Variants in NIBAN1 observed in about 807,000 individuals in gnomAD.
NIBAN1 encodes niban apoptosis regulator 1, also known as protein Niban 1.
Under a neutral mutation model 75.1 loss-of-function variants are expected in NIBAN1, and 81 were observed. The ratio of observed to expected loss-of-function variants is 1.08; its 90% CI spans 0.90 to 1.30. The LOEUF (loss-of-function observed/expected upper bound fraction) is 1.30, where lower values mean the gene tolerates loss of function less well. Ranked by LOEUF, NIBAN1 falls within the 50% of genes most tolerant of loss-of-function variation. NIBAN1 has a pLI of 0.00. For missense variants in NIBAN1, 1,133 were observed against 1,128.1 expected, an observed-to-expected ratio of 1.00 and a Z score of -0.06; for synonymous variants, 436 against 424.8, an observed-to-expected ratio of 1.03 and a Z score of -0.32.
At chr1:184,964,201 A>G (rs952731858) in intron 1 of NIBAN1, among the ~76,000 whole-genome samples, 2 of 152,196 alleles carry the variant, frequency 1.3e-5, no homozygotes, top group Non-Finnish European at 2.9e-5. Flanking sequence ...GAGGAGTGGA[A>G]GGGACAACGA....
At chr1:184,886,588 C>T (rs578133620) in intron 4 of NIBAN1, among the ~76,000 whole-genome samples, 4 of 152,300 alleles carry the variant, frequency 2.6e-5, no homozygotes, top group Admixed American at 6.5e-5. Context: ...CCTACCTAAA[C>T]TTTACTCCTT....
intron 1 of NIBAN1, among the ~76,000 whole-genome samples, chr1:184,938,324 G>T (rs1045031953): frequency 3.9e-5 from 6 of 152,134 alleles, no homozygotes; most frequent in Admixed American, 1.3e-4. Context: ...ACTATTTAGT[G>T]GGGGGTTGTT....
At chr1:184,838,443 G>A (rs16823603) in intron 5 of NIBAN1, among the ~76,000 whole-genome samples, 3,290 of 152,232 alleles carry the variant, frequency 0.022, 85 homozygotes, top group East Asian at 0.074. Flanking sequence ...AAGCATTTGG[G>A]GAGATAGAGG....
rs554330214 is a variant in NIBAN1 at position 184,959,465 on chromosome 1, C to T, written c.55+14837G>A. Among the ~76,000 whole-genome samples, 47 of 152,238 alleles carry T rather than the reference C, an allele frequency of 3.1e-4. 1 individual carries two copies. The highest frequency in any genetic ancestry group is 7.0e-4 in the African/African-American group (29 of 41,538). On this transcript the variant is annotated intron_variant, in intron 1 of 13. Coordinates refer to ENST00000367511, the MANE Select transcript of NIBAN1 (RefSeq NM_052966.4). ...CTTTACCATCTTTGTCTGCTAATTT[C>T]GCCATGTCTATAATTCCTGAGTCTA...
chr1:184,819,933 C>T (rs1010657519), intron 8 of NIBAN1, among the ~76,000 whole-genome samples: 6 of 152,120 alleles, frequency 3.9e-5, no homozygotes, highest in Admixed American at 6.5e-5. Context: ...TTTCAACTGG[C>T]GGAAATATTT....
intron 1 of NIBAN1, among the ~76,000 whole-genome samples, chr1:184,951,990 T>C (rs1461890772): frequency 6.6e-6 from 1 of 152,236 alleles, no homozygotes; most frequent in Non-Finnish European, 1.5e-5. Flanking sequence ...ACCTCTATGA[T>C]GTAAGTCCCA....
chr1:184,814,202 T>C (rs1304714906), intron 9 of NIBAN1, among the ~76,000 whole-genome samples: 2 of 152,212 alleles, frequency 1.3e-5, no homozygotes, highest in Admixed American at 6.5e-5. Flanking sequence ...AATGGCATTA[T>C]TGCTTTTTCC....
chr1:184,826,429 C>G (rs1371881764), intron 6 of NIBAN1, among the ~76,000 whole-genome samples: 1 of 152,122 alleles, frequency 6.6e-6, no homozygotes, highest in Non-Finnish European at 1.5e-5. Flanking sequence ...ACTTTTGCAC[C>G]AACCTAATAG....
chr1:184,970,102 C>G (rs1252382450), intron 1 of NIBAN1, among the ~76,000 whole-genome samples: 1 of 147,192 alleles, frequency 6.8e-6, no homozygotes, highest in Non-Finnish European at 1.5e-5. Context: ...CCAGGGAGGT[C>G]GAGGCTGCAG....
intron 5 of NIBAN1, among the ~76,000 whole-genome samples, chr1:184,883,832 A>G (rs765600703): frequency 1.3e-5 from 2 of 152,226 alleles, no homozygotes; most frequent in African/African-American, 2.4e-5. Flanking sequence ...ACACTGATCC[A>G]GAAACAAATA....
At chr1:184,903,186 G>C (rs1557907629) in intron 1 of NIBAN1, among the ~76,000 whole-genome samples, 1 of 152,148 alleles carries the variant, frequency 6.6e-6, no homozygotes, top group Non-Finnish European at 1.5e-5. Flanking sequence ...AATAATGGAA[G>C]GACTAAAAGC....
At chr1:184,968,579 A>G (rs1464524327) in intron 1 of NIBAN1, among the ~76,000 whole-genome samples, 1 of 152,172 alleles carries the variant, frequency 6.6e-6, no homozygotes, top group East Asian at 1.9e-4. Context: ...ATTCATGTCT[A>G]CAAATTTAGA....
chr1:184,886,963 A>G (rs1656541783), intron 4 of NIBAN1, among the ~76,000 whole-genome samples: 1 of 152,174 alleles, frequency 6.6e-6, no homozygotes, highest in South Asian at 2.1e-4. Context: ...TCTACTAAAA[A>G]TACAAAAATT....
intron 5 of NIBAN1, among the ~76,000 whole-genome samples, chr1:184,834,452 A>T (rs1423629685): frequency 6.6e-6 from 1 of 152,148 alleles, no homozygotes; most frequent in African/African-American, 2.4e-5. Context: ...ATAATGGTTG[A>T]ACTAGTTTAC....
intron 1 of NIBAN1, among the ~76,000 whole-genome samples, chr1:184,967,679 T>C (rs1372943418): frequency 1.3e-5 from 2 of 152,232 alleles, no homozygotes; most frequent in African/African-American, 2.4e-5. Context: ...TAGTAGTTAC[T>C]ATTACTAGAG....
Position 184,890,158 on chromosome 1 carries a change from G to A in NIBAN1, c.383C>T (p.Ser128Leu). The A allele has an allele frequency of 6.2e-7, 1 of 1,613,934 alleles. No homozygotes were observed. The highest frequency in any genetic ancestry group is 2.2e-5 in the East Asian group (1 of 44,878). The change falls in exon 4 of 14, where the codon TCA (serine) becomes TTA (leucine). Residue 128 changes from serine (S) to leucine (L), a missense_variant. Ser to Leu is a moderately radical substitution (Grantham distance 145). Transcript: ENST00000367511. Reference protein sequence around the residue: ...ILPAGGKVLTSEDEYNLLSDR... With the variant: ...ILPAGGKVLTLEDEYNLLSDR... ...AGACAACAGATTATATTCATCTTCTGAGGTTAACACCTTGCCACCGGCTGG... is the reference window on the plus strand; with the variant it reads ...AGACAACAGATTATATTCATCTTCTAAGGTTAACACCTTGCCACCGGCTGG...
chr1:184,807,086 T>G (rs1385093686), intron 10 of NIBAN1, among the ~76,000 whole-genome samples: 1 of 152,156 alleles, frequency 6.6e-6, no homozygotes, highest in Non-Finnish European at 1.5e-5. Context: ...TATACCTTTA[T>G]CATACCTTCA....
At chr1:184,799,641 T>C (rs1653975958) in intron 12 of NIBAN1, among the ~76,000 whole-genome samples, 1 of 130,060 alleles carries the variant, frequency 7.7e-6, no homozygotes, top group Non-Finnish European at 1.6e-5. Flanking sequence ...ATGGTTGAAC[T>C]AGTTTACAGT....
intron 9 of NIBAN1, 37 bp from the exon 10 acceptor site, chr1:184,808,272 G>C: frequency 6.2e-7 from 1 of 1,601,886 alleles, no homozygotes; most frequent in Non-Finnish European, 8.5e-7. Context: ...AACACCCTCA[G>C]AATGAGGAGC....
Sources: gnomAD v4.1 joint callset for allele counts (sites outside exome capture counted in the v4.1 genomes callset) on GRCh38, gnomAD v4.1.1 for gene constraint, MANE v1.5 for transcripts, NCBI Gene and HGNC (gene_info 2026-07-23, HGNC 2026-07-21) for gene names.